The following JAKMIP2 variants were observed in gnomAD, a reference collection of about 807,000 sequenced individuals.
The protein encoded by JAKMIP2 is janus kinase and microtubule-interacting protein 2.
A neutral mutation model predicts 115.0 loss-of-function variants in JAKMIP2; 25 were observed. The ratio of observed to expected loss-of-function variants is 0.22; its 90% CI spans 0.16 to 0.30. The LOEUF (loss-of-function observed/expected upper bound fraction) is 0.30. JAKMIP2 is among the 10% of genes least tolerant of loss of function. JAKMIP2 has a pLI of 1.00. For synonymous variants in JAKMIP2, 334 were observed against 343.6 expected, an observed-to-expected ratio of 0.97 and a Z score of 0.31; for missense variants, 642 against 957.6, an observed-to-expected ratio of 0.67 and a Z score of 4.35.
rs577790579 is a variant in JAKMIP2 at position 147,624,596 on chromosome 5, TATG to T, written c.1996-910_1996-908del. Among the ~76,000 whole-genome samples the T allele has an allele frequency of 8.0e-4, 122 of 152,336 alleles. 1 individual carries two copies. The highest frequency in any genetic ancestry group is 2.8e-3 in the African/African-American group (116 of 41,584). On this transcript the variant is annotated intron_variant, in intron 16 of 21. Transcript: ENST00000616793. ...CTTATCTTTCCCAGTACTCAGAATA[TATG>T]ATATTTATGTTAGCATTGATAAACA...
chr5:147,630,937 G>A (rs1164294655), intron 14 of JAKMIP2, among the ~76,000 whole-genome samples: 1 of 152,042 alleles, frequency 6.6e-6, no homozygotes, highest in Admixed American at 6.6e-5. Flanking sequence ...TCCAAAAGAG[G>A]AATCCTCCCT....
intron 1 of JAKMIP2, among the ~76,000 whole-genome samples, chr5:147,691,403 T>C (rs1304301105): frequency 6.6e-6 from 1 of 152,092 alleles, no homozygotes; most frequent in Non-Finnish European, 1.5e-5. Flanking sequence ...TGAACTATGC[T>C]AGGCTTAAAA....
rs544544262 is a variant in JAKMIP2 at position 147,598,085 on chromosome 5, A to AGGTTG, written c.*20+3655_*20+3656insCAACC. ...GCGATCTCAGCTCACTGCAACCTCC[A>AGGTTG]CCTCCCAGGTTCAAGCAATTCTCCT... is the stretch of plus-strand genomic sequence containing the variant. On this transcript the variant is annotated intron_variant, in intron 21 of 21. Transcript: ENST00000616793. Among the ~76,000 whole-genome samples, 669 of 149,638 alleles carry AGGTTG rather than the reference A, an allele frequency of 4.5e-3. 2 individuals carry two copies. Among genetic ancestry groups the AGGTTG allele is most frequent in the African/African-American group, 0.015 (619 of 40,690 alleles).
At chr5:147,721,320 C>T (rs1401844263) in intron 1 of JAKMIP2, among the ~76,000 whole-genome samples, 1 of 152,182 alleles carries the variant, frequency 6.6e-6, no homozygotes, top group Admixed American at 6.5e-5. Context: ...GTGCCCTGCC[C>T]CCAGAGGTGG....
Position 147,644,334 on chromosome 5 carries a change from C to A in JAKMIP2, c.1084-136G>T, listed in dbSNP as rs533587796. ...TTGCCCAGCCTGAATACACATACAC[C>A]AACTAAATCCTCAAGCACATTTTAT... is the stretch of plus-strand genomic sequence containing the variant. On this transcript the variant is annotated intron_variant, in intron 6 of 21. Coordinates refer to ENST00000616793, the MANE Select transcript of JAKMIP2 (RefSeq NM_001270941.2). 37 of 633,502 alleles carry A rather than the reference C, an allele frequency of 5.8e-5. No individual in the cohort carries two copies. The South Asian group carries it at 9.8e-4, about 17-fold the overall frequency. 39.2% of individuals were successfully genotyped at this position (633,502 alleles called of 1,614,324 possible).
intron 5 of JAKMIP2, among the ~76,000 whole-genome samples, chr5:147,646,045 A>G (rs1044395290): frequency 6.6e-5 from 10 of 152,166 alleles, no homozygotes; most frequent in African/African-American, 2.4e-4. Flanking sequence ...TTGGGAGAAG[A>G]GCAAGGAAAA....
chr5:147,652,196 A>T (rs1758432567), intron 3 of JAKMIP2, among the ~76,000 whole-genome samples: 1 of 152,146 alleles, frequency 6.6e-6, no homozygotes, highest in African/African-American at 2.4e-5. Context: ...ATGACTGAGG[A>T]CCTGAAAGCT....
intron 19 of JAKMIP2, among the ~76,000 whole-genome samples, chr5:147,613,934 G>A (rs1026406652): frequency 3.9e-5 from 6 of 152,166 alleles, no homozygotes; most frequent in Non-Finnish European, 5.9e-5. Flanking sequence ...GTGTTTATAC[G>A]TGTATGATTT....
chr5:147,714,325 G>A (rs911598624), intron 1 of JAKMIP2, among the ~76,000 whole-genome samples: 1 of 152,026 alleles, frequency 6.6e-6, no homozygotes, highest in Non-Finnish European at 1.5e-5. Context: ...TTATAAAACA[G>A]AAAAATATAA....
chr5:147,675,782 C>CT (rs1561531706), intron 1 of JAKMIP2, among the ~76,000 whole-genome samples: 48 of 126,772 alleles, frequency 3.8e-4, no homozygotes, highest in Non-Finnish European at 6.2e-4. Flanking sequence ...AATCATATGA[C>CT]ATTTTTTTTT....
intron 2 of JAKMIP2, among the ~76,000 whole-genome samples, chr5:147,663,898 C>G (rs895229918): frequency 6.6e-6 from 1 of 152,102 alleles, no homozygotes; most frequent in African/African-American, 2.4e-5. Context: ...TTGTGCTTGT[C>G]CTATGTGGCA....
intron 1 of JAKMIP2, among the ~76,000 whole-genome samples, chr5:147,691,957 C>G (rs1329157795): frequency 6.6e-6 from 1 of 151,948 alleles, no homozygotes; most frequent in Non-Finnish European, 1.5e-5. Flanking sequence ...TGTCCCATTC[C>G]CTTTGCAAAG....
rs1370384175 is a variant in JAKMIP2 at position 147,590,587 on chromosome 5, T to A, written c.*1120A>T. 6.6e-6 allele frequency: 1 copy of A among 152,240 alleles called. No individual in the cohort carries two copies. The highest frequency in any genetic ancestry group is 1.5e-5 in the Non-Finnish European group (1 of 68,044). 9.4% of individuals were successfully genotyped at this position (152,240 alleles called of 1,614,324 possible). ...TTCTTTAAAAAATAATAGTTTAGTT[T>A]AATATTCACATCTCTGTGGCAAACC... On this transcript the variant is annotated 3_prime_UTR_variant, in exon 22 of 22. Transcript: ENST00000616793.
chr5:147,617,855 A>C, intron 19 of JAKMIP2, 56 bp downstream of exon 19: 1 of 1,402,278 alleles, frequency 7.1e-7, no homozygotes, highest in Non-Finnish European at 1.0e-6. Flanking sequence ...TGTACCTAGT[A>C]CTAAGTTCCA....
intron 14 of JAKMIP2, 119 bp from the exon 15 acceptor site, chr5:147,629,865 A>G: frequency 2.8e-6 from 2 of 705,958 alleles, no homozygotes; most frequent in Non-Finnish European, 2.4e-6. Flanking sequence ...GATGTTTTCA[A>G]TCTGGCACAC....
At chr5:147,604,265 G>C (rs932870731) in intron 20 of JAKMIP2, among the ~76,000 whole-genome samples, 1 of 152,172 alleles carries the variant, frequency 6.6e-6, no homozygotes, top group Non-Finnish European at 1.5e-5. Flanking sequence ...ATTTTGCAGA[G>C]AATGTATACT....
chr5:147,655,990 G>C (rs1271058634), intron 3 of JAKMIP2, among the ~76,000 whole-genome samples: 1 of 152,168 alleles, frequency 6.6e-6, no homozygotes, highest in Non-Finnish European at 1.5e-5. Flanking sequence ...TGATTTCCAT[G>C]TAGTTGTGTG....
chr5:147,764,787 G>A (rs1026684964), intron 1 of JAKMIP2, among the ~76,000 whole-genome samples: 1 of 151,010 alleles, frequency 6.6e-6, no homozygotes, highest in Non-Finnish European at 1.5e-5. Context: ...TCAGGAGGCT[G>A]AGGCAGGAGA....
intron 14 of JAKMIP2, among the ~76,000 whole-genome samples, 169 bp downstream of exon 14, chr5:147,631,244 C>T (rs1253432830): frequency 2.6e-5 from 4 of 152,166 alleles, no homozygotes; most frequent in Non-Finnish European, 4.4e-5. Context: ...CATTAAAAAA[C>T]ATTCTGTTAA....
Sources: gnomAD v4.1 joint callset for allele counts (sites outside exome capture counted in the v4.1 genomes callset) on GRCh38, gnomAD v4.1.1 for gene constraint, MANE v1.5 for transcripts, NCBI Gene and HGNC (gene_info 2026-07-23, HGNC 2026-07-21) for gene names.